HEPHL1: variants seen among roughly 807,000 people sequenced by gnomAD.
HEPHL1 encodes the protein ferroxidase HEPHL1.
Under a neutral mutation model 122.0 loss-of-function variants are expected in HEPHL1, and 123 were observed. That is an observed-to-expected ratio of 1.01 (90% CI 0.87 to 1.17). The LOEUF (loss-of-function observed/expected upper bound fraction) is 1.17, where lower values mean the gene tolerates loss of function less well. Ranked by LOEUF, HEPHL1 falls within the 50% of genes most tolerant of loss-of-function variation. The pLI is 0.00. For synonymous variants in HEPHL1, 527 were observed against 508.9 expected (o/e 1.04, Z -0.48); for missense variants, 1,452 against 1,430.5 (o/e 1.01, Z -0.24).
intron 18 of HEPHL1, 64 bp downstream of exon 18, chr11:94,111,129 G>A: frequency 7.0e-7 from 1 of 1,423,264 alleles, no homozygotes; most frequent in East Asian, 2.5e-5. Flanking sequence ...CCCAAAACAG[G>A]AGGCATGACA....
intron 17 of HEPHL1, among the ~76,000 whole-genome samples, chr11:94,106,485 C>T (rs532665976): frequency 2.6e-5 from 4 of 151,610 alleles, no homozygotes; most frequent in Admixed American, 6.6e-5. Context: ...TTAGTAGAGA[C>T]GGGGTTTCAC....
Position 94,110,916 on chromosome 11 carries a change from AC to A in HEPHL1, c.3061del (p.Arg1021GlufsTer49). ...ACGTTTTTGCAGATAGATAAATCTT[AC>A]CGAGAAGATGTGTATGATCTCTTTC... is the stretch of plus-strand genomic sequence containing the variant. ...ESFLFKIDKS[Y>X]REDVYDLFPG... On this transcript the variant is annotated frameshift_variant, in exon 18 of 20. Transcript: ENST00000315765. LOFTEE classifies it high-confidence loss of function. 1 of 1,612,288 alleles carries A rather than the reference AC, an allele frequency of 6.2e-7. No individual in the cohort carries two copies.
In HEPHL1 at chr11:94,110,938, C is replaced by G. The variant is rs1448957630; in HGVS notation, c.3081C>G (p.Leu1027=). 6.2e-7 allele frequency: 1 copy of G among 1,613,086 alleles called. No homozygotes were observed. The highest frequency in any genetic ancestry group is 1.3e-5 in the African/African-American group (1 of 74,864). ...DKSYREDVYD[L]FPGTFQTIEL... ...CTTACCGAGAAGATGTGTATGATCTCTTTCCTGGGACATTCCAAACCATTG... is the reference window on the plus strand; with the variant it reads ...CTTACCGAGAAGATGTGTATGATCTGTTTCCTGGGACATTCCAAACCATTG... Residue 1027 remains leucine (L), a synonymous_variant, in exon 18 of 20, where the codon CTC becomes CTG. Transcript: ENST00000315765.
At chr11:94,100,162 A>G (rs1946356604) in intron 13 of HEPHL1, among the ~76,000 whole-genome samples, 1 of 152,146 alleles carries the variant, frequency 6.6e-6, no homozygotes, top group African/African-American at 2.4e-5. Context: ...ACTACCCCCT[A>G]AGAATATTTT....
At position 94,094,611 on chromosome 11, in the gene HEPHL1, A is replaced by G. The variant is rs1455686725; in HGVS notation, c.2434+971A>G. Among the ~76,000 whole-genome samples the G allele has an allele frequency of 3.3e-5, 5 of 152,340 alleles. No homozygotes were observed. The East Asian group carries it at 9.6e-4, about 29-fold the overall frequency. On this transcript the variant is annotated intron_variant, in intron 13 of 19. Coordinates refer to ENST00000315765, the MANE Select transcript of HEPHL1 (RefSeq NM_001098672.2). ...AATGGTTTAACTAGTTTACAGTCCC[A>G]CCAACAGTGTAAAAGTGTTCCTATT...
At chr11:94,046,719 C>A (rs1945842948) in intron 2 of HEPHL1, among the ~76,000 whole-genome samples, 1 of 151,836 alleles carries the variant, frequency 6.6e-6, no homozygotes, top group Non-Finnish European at 1.5e-5. Context: ...TTCATTAGGG[C>A]AGTTTCTGGA....
intron 6 of HEPHL1, among the ~76,000 whole-genome samples, chr11:94,071,347 ATTC>A (rs1946072201): frequency 6.6e-6 from 1 of 152,080 alleles, no homozygotes; most frequent in South Asian, 2.1e-4. Flanking sequence ...TCATTCATTC[ATTC>A]ATTCATTCAT....
At chr11:94,077,278 T>C (rs1413056891) in intron 9 of HEPHL1, among the ~76,000 whole-genome samples, 1 of 152,174 alleles carries the variant, frequency 6.6e-6, no homozygotes, top group East Asian at 1.9e-4. Context: ...ATGTTCTTTA[T>C]AGCAAAAGAA....
At position 94,064,439 on chromosome 11, in the gene HEPHL1, A is replaced by G. The variant is rs1417194345; in HGVS notation, c.737A>G (p.Lys246Arg). Residue 246 changes from lysine (K) to arginine (R), a missense_variant, in exon 4 of 20, where the codon AAA (lysine) becomes AGA (arginine). Physicochemically the swap from Lys to Arg is conservative, Grantham distance 26. Coordinates refer to ENST00000315765, the MANE Select transcript of HEPHL1 (RefSeq NM_001098672.2). ...NQSWYLNENI[K>R]HFCTNPDSVD... ...AGCTGGTACCTCAATGAAAATATCA[A>G]ACATTTCTGCACCAACCCTGATTCA... is the stretch of plus-strand genomic sequence containing the variant. 1.2e-6 allele frequency: 2 copies of G among 1,613,264 alleles called. No homozygotes were observed. The highest frequency in any genetic ancestry group is 1.1e-5 in the South Asian group (1 of 91,054).
chr11:94,059,997 C>A (rs1046325882), intron 2 of HEPHL1, among the ~76,000 whole-genome samples: 4 of 151,506 alleles, frequency 2.6e-5, no homozygotes, highest in African/African-American at 9.7e-5. Flanking sequence ...GTATATAAAT[C>A]TCTCCATATA....
At chr11:94,024,679 C>A (rs1041119973) in intron 1 of HEPHL1, among the ~76,000 whole-genome samples, 1 of 152,138 alleles carries the variant, frequency 6.6e-6, no homozygotes, top group Non-Finnish European at 1.5e-5. Context: ...TCCTTCCTAA[C>A]CACTCATGGA....
chr11:94,060,560 G>A (rs1945979265), intron 2 of HEPHL1, among the ~76,000 whole-genome samples: 1 of 152,104 alleles, frequency 6.6e-6, no homozygotes, highest in East Asian at 1.9e-4. Flanking sequence ...GAAGCTAAGA[G>A]TCATAGAAGA....
chr11:94,072,657 T>C (rs1489918192), intron 6 of HEPHL1, among the ~76,000 whole-genome samples: 1 of 152,092 alleles, frequency 6.6e-6, no homozygotes, highest in Non-Finnish European at 1.5e-5. Flanking sequence ...AATATTCATA[T>C]TAATATCAGC....
In HEPHL1 at chr11:94,026,902, C is replaced by G. The variant is rs911206348; in HGVS notation, c.170+5364C>G. On this transcript the variant is annotated intron_variant, in intron 1 of 19. Transcript: ENST00000315765. ...CTCATCAGTAAAATAGGGATAGTGA[C>G]AGTACTTGCTTTGAGGGTGTATCAG... Among the ~76,000 whole-genome samples the G allele has an allele frequency of 5.3e-5, 8 of 152,218 alleles. 1 individual carries two copies. The South Asian group carries it at 1.0e-3, about 20-fold the overall frequency.
chr11:94,069,088 T>C (rs1460545567), intron 5 of HEPHL1, among the ~76,000 whole-genome samples: 1 of 152,218 alleles, frequency 6.6e-6, no homozygotes, highest in Non-Finnish European at 1.5e-5. Flanking sequence ...AAGAGTCTTA[T>C]GCTGTTAAAT....
intron 8 of HEPHL1, among the ~76,000 whole-genome samples, chr11:94,074,011 G>T (rs1451063063): frequency 6.6e-6 from 1 of 152,070 alleles, no homozygotes; most frequent in Non-Finnish European, 1.5e-5. Flanking sequence ...CAGTGGCTGT[G>T]GGAACTCTAA....
chr11:94,094,893 T>G (rs898733658), intron 13 of HEPHL1, among the ~76,000 whole-genome samples: 10 of 152,226 alleles, frequency 6.6e-5, no homozygotes, highest in African/African-American at 1.9e-4. Context: ...TTCTGGATAT[T>G]AGCCCTTTGC....
In HEPHL1 at chr11:94,067,704, T is replaced by A; in HGVS notation, c.1017T>A (p.Asn339Lys). Reference sequence around the variant, plus strand: ...TTACAACAGAAATGATAGCCGAGAATCCTGGGAAGTGGATGATAACCTGCC... The same window carrying A: ...TTACAACAGAAATGATAGCCGAGAAACCTGGGAAGTGGATGATAACCTGCC... ...TFLTTEMIAE[N>K]PGKWMITCQV... The change falls in exon 5 of 20, where the codon AAT (asparagine) becomes AAA (lysine). Residue 339 changes from asparagine (N) to lysine (K), a missense_variant. Transcript: ENST00000315765. The A allele has an allele frequency of 2.5e-6, 4 of 1,613,668 alleles. No homozygotes were observed. The highest frequency in any genetic ancestry group is 3.4e-6 in the Non-Finnish European group (4 of 1,179,724).
rs142534270 is a variant in HEPHL1, at chr11:94,082,308, T to G, written c.1717-110T>G. The G allele has an allele frequency of 1.7e-4, 114 of 679,996 alleles. 4 individuals carry two copies. The East Asian group carries it at 2.1e-3, about 12-fold the overall frequency. The allele number at this position is 679,996 out of a possible 1,614,324, so 42.1% of individuals were successfully genotyped here. ...AATGACCTGCGAACTCTTGGGCTGA[T>G]GTTGATCTGCCCTGACTTATTAATA... On this transcript the variant is annotated intron_variant, in intron 9 of 19. Coordinates refer to ENST00000315765, the MANE Select transcript of HEPHL1 (RefSeq NM_001098672.2).
Sources: allele counts gnomAD v4.1 joint callset (sites outside exome capture counted in the v4.1 genomes callset), GRCh38; gene constraint gnomAD v4.1.1; transcripts MANE v1.5; gene names NCBI Gene and HGNC (gene_info 2026-07-23, HGNC 2026-07-21).